The following ZNF385B variants were observed in gnomAD, a reference collection of about 807,000 sequenced individuals.
The protein encoded by ZNF385B is zinc finger protein 533.
In ZNF385B, 23 loss-of-function variants were observed where a neutral mutation model predicts 39.2. The ratio of observed to expected loss-of-function variants is 0.59; its 90% CI spans 0.42 to 0.83. The LOEUF (loss-of-function observed/expected upper bound fraction) is 0.83. Ranked by LOEUF, ZNF385B falls within the 40% of genes least tolerant of loss-of-function variation. The pLI is 0.00. For missense variants in ZNF385B, 552 were observed against 598.9 expected, an observed-to-expected ratio of 0.92 and a Z score of 0.82; for synonymous variants, 205 against 222.6, an observed-to-expected ratio of 0.92 and a Z score of 0.70.
intron 1 of ZNF385B, among the ~76,000 whole-genome samples, chr2:179,779,604 G>A (rs926933692): frequency 6.6e-6 from 1 of 152,238 alleles, no homozygotes; most frequent in Non-Finnish European, 1.5e-5. Context: ...TTCCAGGCAA[G>A]AGAAAATGGC....
At chr2:179,767,470 T>C (rs908529348) in intron 3 of ZNF385B, among the ~76,000 whole-genome samples, 2 of 152,234 alleles carry the variant, frequency 1.3e-5, no homozygotes, top group African/African-American at 2.4e-5. Flanking sequence ...AATAAAATGA[T>C]GTTTTTATAA....
intron 3 of ZNF385B, among the ~76,000 whole-genome samples, chr2:179,601,437 T>A (rs1293604977): frequency 1.3e-5 from 2 of 152,180 alleles, no homozygotes; most frequent in African/African-American, 2.4e-5. Flanking sequence ...GTAAACATTT[T>A]TTTCTGACTT....
chr2:179,822,352 C>T (rs572453668), intron 1 of ZNF385B, among the ~76,000 whole-genome samples: 5 of 152,304 alleles, frequency 3.3e-5, no homozygotes, highest in South Asian at 4.1e-4. Flanking sequence ...AATACACTAA[C>T]GTGTAAAACA....
In ZNF385B at chr2:179,581,485, C is replaced by A. The variant is rs906277071; in HGVS notation, c.299-36516G>T. Among the ~76,000 whole-genome samples the A allele has an allele frequency of 1.3e-5, 2 of 152,144 alleles. 1 individual carries two copies. Among genetic ancestry groups the A allele is most frequent in the Middle Eastern group, 6.3e-3 (2 of 316 alleles). On this transcript the variant is annotated intron_variant, in intron 3 of 9. Coordinates refer to ENST00000410066, the MANE Select transcript of ZNF385B (RefSeq NM_152520.6). The stretch of plus-strand genomic sequence containing the variant: ...TTCCTAGGAAGGTCTATCTTTAATT[C>A]TGAGTGATTTAAAAGTCATAGCTGG...
chr2:179,533,111 A>C (rs376410751), intron 4 of ZNF385B, among the ~76,000 whole-genome samples: 3 of 152,338 alleles, frequency 2.0e-5, no homozygotes, highest in African/African-American at 2.4e-5. Context: ...AGAACTCTAC[A>C]TCTGGGTGTC....
intron 3 of ZNF385B, among the ~76,000 whole-genome samples, chr2:179,633,366 A>C (rs1691424283): frequency 6.6e-6 from 1 of 152,106 alleles, no homozygotes; most frequent in Admixed American, 6.6e-5. Flanking sequence ...CGATCAAGTC[A>C]GCTTCATCCC....
At chr2:179,694,951 AAAG>A (rs1219381759) in intron 3 of ZNF385B, among the ~76,000 whole-genome samples, 1 of 118,372 alleles carries the variant, frequency 8.4e-6, no homozygotes, top group Non-Finnish European at 1.7e-5. Context: ...AAGAAAAAAG[AAAG>A]AAGAGGAGGA....
intron 3 of ZNF385B, among the ~76,000 whole-genome samples, chr2:179,558,596 CA>C (rs2061111854): frequency 6.6e-6 from 1 of 152,054 alleles, no homozygotes; most frequent in South Asian, 2.1e-4. Context: ...TTAAAAATAA[CA>C]AAAAAAAGTA....
chr2:179,845,809 T>C (rs1708772222), intron 1 of ZNF385B, among the ~76,000 whole-genome samples: 1 of 152,192 alleles, frequency 6.6e-6, no homozygotes, highest in Admixed American at 6.5e-5. Context: ...TTAGATGCCC[T>C]AGAATTTAAA....
intron 3 of ZNF385B, among the ~76,000 whole-genome samples, chr2:179,681,660 T>G (rs10190718): frequency 0.11 from 17,270 of 152,034 alleles, 1,370 homozygotes; most frequent in African/African-American, 0.22. Flanking sequence ...GGAAAAAGAG[T>G]TCATGTAACT....
At position 179,642,063 on chromosome 2, in the gene ZNF385B, TTTAGAA is replaced by T. The variant is rs375140501; in HGVS notation, c.299-97100_299-97095del. On this transcript the variant is annotated intron_variant, in intron 3 of 9. Coordinates refer to ENST00000410066, the MANE Select transcript of ZNF385B (RefSeq NM_152520.6). ...GAAACCATATGAAACTGACGACTGA[TTTAGAA>T]TGAAATTGAGTTTTCAGAGATATTG... Among the ~76,000 whole-genome samples the T allele has an allele frequency of 7.1e-3, 1,083 of 152,166 alleles. 14 individuals carry two copies. The highest frequency in any genetic ancestry group is 0.025 in the African/African-American group (1,047 of 41,512).
intron 5 of ZNF385B, among the ~76,000 whole-genome samples, chr2:179,507,934 A>G (rs1194077428): frequency 2.6e-5 from 4 of 152,162 alleles, no homozygotes; most frequent in Non-Finnish European, 5.9e-5. Flanking sequence ...ATGCTGACCC[A>G]CCACAACTAA....
At chr2:179,595,916 A>G (rs1400798936) in intron 3 of ZNF385B, among the ~76,000 whole-genome samples, 3 of 152,242 alleles carry the variant, frequency 2.0e-5, no homozygotes, top group African/African-American at 7.2e-5. Flanking sequence ...ATAACTTCAT[A>G]GAAACTATCT....
intron 3 of ZNF385B, among the ~76,000 whole-genome samples, chr2:179,600,624 C>T (rs1438412035): frequency 2.0e-5 from 3 of 152,178 alleles, no homozygotes; most frequent in South Asian, 2.1e-4. Context: ...CTCCTTCATA[C>T]TGAAAGAATA....
intron 3 of ZNF385B, among the ~76,000 whole-genome samples, chr2:179,684,722 T>C (rs543418795): frequency 3.3e-4 from 50 of 152,352 alleles, no homozygotes; most frequent in African/African-American, 1.2e-3. Flanking sequence ...CAACGTTCAC[T>C]GGGACTTTGA....
Position 179,442,910 on chromosome 2 carries a change from A to G in ZNF385B, c.*340T>C. ...TCCATATTGTTTTAAGCCAGATCAT[A>G]CCCATGGAAAAATAGAGAATGGTTT... On this transcript the variant is annotated 3_prime_UTR_variant, in exon 10 of 10. Coordinates refer to ENST00000410066, the MANE Select transcript of ZNF385B (RefSeq NM_152520.6). The G allele has an allele frequency of 2.7e-6, 1 of 371,148 alleles. No individual in the cohort carries two copies. The highest frequency in any genetic ancestry group is 2.4e-5 in the South Asian group (1 of 41,116). The allele number at this position is 371,148 out of a possible 1,614,324, so 23.0% of individuals were successfully genotyped here.
At chr2:179,778,884 A>G (rs1704503131) in intron 1 of ZNF385B, among the ~76,000 whole-genome samples, 1 of 152,306 alleles carries the variant, frequency 6.6e-6, no homozygotes, top group East Asian at 1.9e-4. Flanking sequence ...CACAAACATT[A>G]CATGTTTACT....
At chr2:179,605,899 T>G (rs1688761047) in intron 3 of ZNF385B, among the ~76,000 whole-genome samples, 1 of 152,112 alleles carries the variant, frequency 6.6e-6, no homozygotes, top group African/African-American at 2.4e-5. Flanking sequence ...TTCACAGAGA[T>G]AGTAACCTGA....
intron 1 of ZNF385B, among the ~76,000 whole-genome samples, chr2:179,817,179 T>C (rs752491452): frequency 3.3e-5 from 5 of 152,216 alleles, no homozygotes; most frequent in South Asian, 2.1e-4. Flanking sequence ...AATTGTATCA[T>C]TGTTATTGTG....
Sources: gnomAD v4.1 joint callset for allele counts (sites outside exome capture counted in the v4.1 genomes callset) on GRCh38, gnomAD v4.1.1 for gene constraint, MANE v1.5 for transcripts, NCBI Gene and HGNC (gene_info 2026-07-23, HGNC 2026-07-21) for gene names.